The following GATB variants were observed in gnomAD, a reference collection of about 807,000 sequenced individuals.
GATB encodes glutamyl-tRNA(Gln) amidotransferase subunit B, mitochondrial.
GATB carries 39 observed loss-of-function variants against 62.3 expected under a neutral mutation model. That is an observed-to-expected ratio of 0.63 (90% CI 0.48 to 0.82). The LOEUF is 0.82. GATB is among the 40% of genes least tolerant of loss of function. GATB has a pLI of 0.00. For synonymous variants in GATB, 276 were observed against 258.9 expected (o/e 1.07, Z -0.63); for missense variants, 670 against 684.0 (o/e 0.98, Z 0.23).
chr4:151,740,766 C>T (rs1739468674), intron 2 of GATB, among the ~76,000 whole-genome samples: 1 of 152,222 alleles, frequency 6.6e-6, no homozygotes, highest in African/African-American at 2.4e-5. Flanking sequence ...AGTTCGGGAA[C>T]TGTCCATGGA....
chr4:151,725,358 T>C (rs1235064194), intron 2 of GATB, among the ~76,000 whole-genome samples: 1 of 152,236 alleles, frequency 6.6e-6, no homozygotes, highest in Non-Finnish European at 1.5e-5. Context: ...AGCAAAGTGG[T>C]GTAGCACAGA....
intron 9 of GATB, among the ~76,000 whole-genome samples, chr4:151,698,365 C>T (rs570615997): frequency 6.6e-6 from 1 of 152,184 alleles, no homozygotes; most frequent in East Asian, 1.9e-4. Context: ...TGAAGTTTTT[C>T]GTCATTTGTG....
At chr4:151,737,058 A>G (rs1198262007) in intron 2 of GATB, among the ~76,000 whole-genome samples, 1 of 152,208 alleles carries the variant, frequency 6.6e-6, no homozygotes, top group African/African-American at 2.4e-5. Context: ...TACTGAAAAG[A>G]TACCTGAAAA....
chr4:151,716,868 A>G lies in GATB; in HGVS notation c.640+8T>C, dbSNP rs962368943. On this transcript the variant is annotated splice_region_variant and intron_variant, in intron 4 of 12. Coordinates refer to ENST00000263985, the MANE Select transcript of GATB (RefSeq NM_004564.3). ...GAAGGAGAAATAATGAAAACACTCC[A>G]AGCCTACCTGCCCTGTTCAAATCAA... is the stretch of plus-strand genomic sequence containing the variant. 4.3e-6 allele frequency: 7 copies of G among 1,613,630 alleles called. No homozygotes were observed. The African/African-American group carries it at 8.0e-5, about 18-fold the overall frequency.
At chr4:151,688,511 G>T in intron 10 of GATB, 119 bp downstream of exon 10, 1 of 929,196 alleles carries the variant, frequency 1.1e-6, no homozygotes. Flanking sequence ...GGATGTTTGT[G>T]TCATGTCAGG....
chr4:151,735,733 G>GATATATATATATATATATATAT (rs1739357847), intron 2 of GATB, among the ~76,000 whole-genome samples: 1 of 66,730 alleles, frequency 1.5e-5, no homozygotes, highest in African/African-American at 1.0e-4. Flanking sequence ...AATAAACTGT[G>GATATATATATATATATATATAT]GTGTATATAT....
At chr4:151,694,766 T>C (rs909802242) in intron 9 of GATB, among the ~76,000 whole-genome samples, 3 of 152,214 alleles carry the variant, frequency 2.0e-5, no homozygotes, top group South Asian at 2.1e-4. Flanking sequence ...ATGGGATATA[T>C]AGATATTTAT....
intron 5 of GATB, among the ~76,000 whole-genome samples, 159 bp downstream of exon 5, chr4:151,715,850 A>G (rs941459403): frequency 1.3e-5 from 2 of 152,188 alleles, no homozygotes; most frequent in Non-Finnish European, 2.9e-5. Flanking sequence ...AAACAAACAA[A>G]CAAACAACAA....
intron 2 of GATB, chr4:151,723,109 A>C (rs992087270): frequency 6.6e-6 from 1 of 152,188 alleles, no homozygotes; most frequent in African/African-American, 2.4e-5. Flanking sequence ...AGAAGGCAGT[A>C]ATTTTTGGTA....
At chr4:151,678,886 T>TTTTTTTG (rs1553965950) in intron 11 of GATB, among the ~76,000 whole-genome samples, 2 of 151,582 alleles carry the variant, frequency 1.3e-5, no homozygotes, top group East Asian at 3.9e-4. Flanking sequence ...GTTATGTGTT[T>TTTTTTTG]TTTTTGTTTT....
At chr4:151,716,167 T>C in intron 4 of GATB, 36 bp from the exon 5 acceptor site, 1 of 1,584,496 alleles carries the variant, frequency 6.3e-7, no homozygotes, top group East Asian at 2.3e-5. Flanking sequence ...TCACTGCAGC[T>C]CTCCAATTTC....
At chr4:151,673,847 T>G (rs1737938653) in intron 11 of GATB, 1 of 152,108 alleles carries the variant, frequency 6.6e-6, no homozygotes, top group South Asian at 2.1e-4. Flanking sequence ...CACCCAACTT[T>G]CCCTGTTACC....
At chr4:151,684,762 T>C (rs1738210681) in intron 10 of GATB, among the ~76,000 whole-genome samples, 1 of 152,236 alleles carries the variant, frequency 6.6e-6, no homozygotes, top group African/African-American at 2.4e-5. Context: ...TTACTTGATT[T>C]TGGAACAACC....
chr4:151,759,008 T>A, intron 1 of GATB, 86 bp from the exon 2 acceptor site: 1 of 916,994 alleles, frequency 1.1e-6, no homozygotes, highest in Non-Finnish European at 1.6e-6. Flanking sequence ...AATGTTAATT[T>A]CCTATATGTG....
rs543774453 is a variant in GATB at position 151,679,344 on chromosome 4, C to G, written c.1410+469G>C. 2.6e-5 allele frequency among the ~76,000 whole-genome samples: 4 copies of G among 152,308 alleles called. No homozygotes were observed. In the East Asian group the frequency reaches 7.7e-4, roughly 29 times the overall value. ...ACCGGGCATGTCTGTAACATTTTAT[C>G]TACAAAGTGCAGAGTCTGACTTCAC... On this transcript the variant is annotated intron_variant, in intron 11 of 12. Transcript: ENST00000263985.
intron 8 of GATB, among the ~76,000 whole-genome samples, chr4:151,701,843 C>T (rs915470814): frequency 1.3e-5 from 2 of 152,184 alleles, no homozygotes; most frequent in African/African-American, 4.8e-5. Context: ...TGTTGCTTCA[C>T]AACGGCGATA....
intron 2 of GATB, chr4:151,724,067 A>G (rs1739083844): frequency 1.3e-5 from 2 of 152,206 alleles, no homozygotes; most frequent in African/African-American, 4.8e-5. Context: ...AACAACTCAG[A>G]GTTTGCATGA....
At chr4:151,684,822 A>G (rs1738211683) in intron 10 of GATB, among the ~76,000 whole-genome samples, 1 of 152,158 alleles carries the variant, frequency 6.6e-6, no homozygotes. Context: ...TTAAAACTTT[A>G]CTGCTTATAA....
chr4:151,674,703 TG>T (rs1737958460), intron 11 of GATB: 1 of 152,226 alleles, frequency 6.6e-6, no homozygotes, highest in African/African-American at 2.4e-5. Context: ...ATCCATCAGA[TG>T]TATTTATCAT....
Sources: gnomAD v4.1 joint callset for allele counts (sites outside exome capture counted in the v4.1 genomes callset) on GRCh38, gnomAD v4.1.1 for gene constraint, MANE v1.5 for transcripts, NCBI Gene and HGNC (gene_info 2026-07-23, HGNC 2026-07-21) for gene names.